The following PTPRN variants were observed in gnomAD, a reference collection of about 807,000 sequenced individuals.
PTPRN encodes protein tyrosine phosphatase receptor type N.
PTPRN carries 70 observed loss-of-function variants against 108.5 expected under a neutral mutation model. The observed-to-expected ratio is 0.65, with a 90% confidence interval of 0.53 to 0.79. The LOEUF (loss-of-function observed/expected upper bound fraction) is 0.79, where lower values mean the gene tolerates loss of function less well. Among genes scored for constraint, PTPRN ranks in the 30% least tolerant of loss-of-function variants. The pLI is 0.00. For synonymous variants in PTPRN, 496 were observed against 524.6 expected, an observed-to-expected ratio of 0.95 and a Z score of 0.75; for missense variants, 1,136 against 1,295.5, an observed-to-expected ratio of 0.88 and a Z score of 1.89.
In PTPRN at chr2:219,301,696, C is replaced by G; in HGVS notation, c.1018G>C (p.Ala340Pro). Residue 340 changes from alanine (A) to proline (P), a missense_variant, in exon 7 of 23, where the codon GCT becomes CCT. Ala to Pro is a conservative substitution (Grantham distance 27). Transcript: ENST00000295718. ...TCTACCCCATAGCCCGCCAGCACAGCGGCCAGCCTCTGCAGAGCCGCATCT... is the reference window on the plus strand; with the variant it reads ...TCTACCCCATAGCCCGCCAGCACAGGGGCCAGCCTCTGCAGAGCCGCATCT... ...QPDAALQRLA[A>P]VLAGYGVELR... is the part of the protein sequence containing the mutation. 1 of 1,611,620 alleles carries G rather than the reference C, an allele frequency of 6.2e-7. No homozygotes were observed. The highest frequency in any genetic ancestry group is 8.5e-7 in the Non-Finnish European group (1 of 1,178,142).
Position 219,299,091 on chromosome 2 carries a change from C to G in PTPRN, c.1624G>C (p.Glu542Gln). The change falls in exon 12 of 23, where the codon GAA becomes CAA. Residue 542 changes from glutamate (E) to glutamine (Q), a missense_variant. Coordinates refer to ENST00000295718, the MANE Select transcript of PTPRN (RefSeq NM_002846.4). ...QQAGLVKSEL[E>Q]AQTGLQILQT... ...AAGATTTGGAGCCCTGTCTGTGCTTCCAGTTCAGACTTCACCAGCCCTGCA... is the reference window on the plus strand; with the variant it reads ...AAGATTTGGAGCCCTGTCTGTGCTTGCAGTTCAGACTTCACCAGCCCTGCA... The G allele has an allele frequency of 6.2e-7, 1 of 1,614,262 alleles. No individual in the cohort carries two copies. Among genetic ancestry groups the G allele is most frequent in the Non-Finnish European group, 8.5e-7 (1 of 1,180,042 alleles).
chr2:219,296,086 A>G lies in PTPRN; in HGVS notation c.2508+140T>C, dbSNP rs1163004868. On this transcript the variant is annotated intron_variant, in intron 18 of 22. Coordinates refer to ENST00000295718, the MANE Select transcript of PTPRN (RefSeq NM_002846.4). The surrounding 1 kb of genome is among the most constrained non-coding windows in gnomAD (Gnocchi z 6.0). Reference sequence around the variant, plus strand: ...TATATGTGTTTATATATATTCATATATGTATGAATCATGAGCAGGGCCAAT... The same window carrying G: ...TATATGTGTTTATATATATTCATATGTGTATGAATCATGAGCAGGGCCAAT... 1.6e-5 allele frequency: 19 copies of G among 1,192,186 alleles called. No individual in the cohort carries two copies. The highest frequency in any genetic ancestry group is 1.0e-4 in the South Asian group (7 of 70,032). 73.9% of individuals were successfully genotyped at this position (1,192,186 alleles called of 1,614,324 possible).
At chr2:219,295,975 G>GACACACAC (rs58673887) in intron 18 of PTPRN, 383 of 423,222 alleles carry the variant, frequency 9.0e-4, no homozygotes, top group Non-Finnish European at 1.3e-3. Context: ...CTCTAGACAG[G>GACACACAC]ACACACACAC....
At position 219,297,179 on chromosome 2, in the gene PTPRN, C is replaced by A. The variant is rs372725355; in HGVS notation, c.2089-47G>T. ...GCTCTGGCCCACACAGCCAGCCTGG[C>A]CTCTCTCACCATCCCATTCCTTCAC... On this transcript the variant is annotated intron_variant, in intron 14 of 22. Transcript: ENST00000295718. This position sits in a 1 kb window ranked among gnomAD's most constrained non-coding sequence, Gnocchi z 6.0. 3.1e-6 allele frequency: 5 copies of A among 1,610,856 alleles called. No individual in the cohort carries two copies. Among genetic ancestry groups the A allele is most frequent in the Non-Finnish European group, 4.2e-6 (5 of 1,178,016 alleles).
rs1438394335 is a variant in PTPRN at position 219,289,822 on chromosome 2, G to A, written c.*404C>T. On this transcript the variant is annotated 3_prime_UTR_variant, in exon 23 of 23. Coordinates refer to ENST00000295718, the MANE Select transcript of PTPRN (RefSeq NM_002846.4). ...GGCAGGCCCGGGGCTGAGAAGCAGG[G>A]GGAGCCGGGTGTGGCGACCCTCCAC... is the stretch of plus-strand genomic sequence containing the variant. 5.6e-6 allele frequency: 1 copy of A among 180,118 alleles called. No homozygotes were observed. The highest frequency in any genetic ancestry group is 1.2e-5 in the Non-Finnish European group (1 of 84,868). The allele number at this position is 180,118 out of a possible 1,614,324, so 11.2% of individuals were successfully genotyped here.
At chr2:219,295,341 C>T in intron 18 of PTPRN, 200 bp from the exon 19 acceptor site, 1 of 562,790 alleles carries the variant, frequency 1.8e-6, no homozygotes, top group Non-Finnish European at 3.1e-6. Context: ...GCTTTTCCAC[C>T]CAGACACAGC....
Position 219,309,307 on chromosome 2 carries a change from C to T in PTPRN, c.26G>A (p.Gly9Asp), listed in dbSNP as rs1260840367. ...CCGGAGACCCCCGGATCCCCCGAGACCCCCAGGCCGCCGCGGGCGCCGCAT... is the reference window on the plus strand; with the variant it reads ...CCGGAGACCCCCGGATCCCCCGAGATCCCCAGGCCGCCGCGGGCGCCGCAT... MRRPRRPGGLGGSGGLRLL... is the reference protein window; with the variant it reads MRRPRRPGDLGGSGGLRLL... Residue 9 changes from glycine to aspartate, a missense_variant, in exon 1 of 23, where the codon GGT becomes GAT. Gly to Asp is a moderately conservative substitution (Grantham distance 94). Coordinates refer to ENST00000295718, the MANE Select transcript of PTPRN (RefSeq NM_002846.4). 1.3e-6 allele frequency: 2 copies of T among 1,493,582 alleles called. No individual in the cohort carries two copies. Among genetic ancestry groups the T allele is most frequent in the East Asian group, 2.7e-5 (1 of 37,396 alleles). 92.5% of individuals were successfully genotyped at this position (1,493,582 alleles called of 1,614,324 possible).
In PTPRN at chr2:219,299,640, C is replaced by A. The variant is rs1335064384; in HGVS notation, c.1523+60G>T. On this transcript the variant is annotated intron_variant, in intron 10 of 22. Coordinates refer to ENST00000295718, the MANE Select transcript of PTPRN (RefSeq NM_002846.4). ...TCCTCCCGCAGGCCCCTCCAGCCACCTCCTTGCTCAAGCTGCTTTCTAGAT... is the reference window on the plus strand; with the variant it reads ...TCCTCCCGCAGGCCCCTCCAGCCACATCCTTGCTCAAGCTGCTTTCTAGAT... 4.0e-6 allele frequency: 6 copies of A among 1,484,636 alleles called. No homozygotes were observed. In the Admixed American group the frequency reaches 1.1e-4, roughly 28 times the overall value. The allele number at this position is 1,484,636 out of a possible 1,614,324, so 92.0% of individuals were successfully genotyped here. A position where few individuals can be genotyped will look rare whatever the true frequency, so the allele number is the denominator to read the frequency against.
intron 19 of PTPRN, 127 bp downstream of exon 19, chr2:219,294,848 G>A: frequency 1.0e-6 from 1 of 996,760 alleles, no homozygotes; most frequent in Non-Finnish European, 1.4e-6. Context: ...GTGGGGTCTG[G>A]AGCGGGCGGC....
Position 219,291,539 on chromosome 2 carries a change from G to A in PTPRN, c.2676-16C>T. ...GTTCACCTTCCTGCAACAAGAAATG[G>A]GTGTGAGGGCCAGTGGGCACCAGCA... On this transcript the variant is annotated splice_polypyrimidine_tract_variant and intron_variant, in intron 19 of 22. Transcript: ENST00000295718. 1 of 1,613,474 alleles carries A rather than the reference G, an allele frequency of 6.2e-7. No homozygotes were observed. Among genetic ancestry groups the A allele is most frequent in the Admixed American group, 1.7e-5 (1 of 60,026 alleles).
At position 219,300,187 on chromosome 2, in the gene PTPRN, G is replaced by T. The variant is rs775043856; in HGVS notation, c.1234C>A (p.Pro412Thr). 5 of 1,612,194 alleles carry T rather than the reference G, an allele frequency of 3.1e-6. No homozygotes were observed. Among genetic ancestry groups the T allele is most frequent in the Non-Finnish European group, 4.2e-6 (5 of 1,178,892 alleles). Residue 412 changes from proline to threonine, a missense_variant, in exon 9 of 23, where the codon CCC (proline) becomes ACC (threonine). Transcript: ENST00000295718. Reference protein sequence around the residue: ...PARTSPMPGHPTASPTSSEVQ... With the variant: ...PARTSPMPGHTTASPTSSEVQ... Reference sequence around the variant, plus strand: ...TCACTGGAGGTAGGGCTGGCAGTGGGGTGTCCAGGCATGGGGGATGTGCGG... The same window carrying T: ...TCACTGGAGGTAGGGCTGGCAGTGGTGTGTCCAGGCATGGGGGATGTGCGG...
chr2:219,297,356 G>A lies in PTPRN; in HGVS notation c.1965C>T (p.Ser655=), dbSNP rs1381744973. 1 of 1,614,028 alleles carries A rather than the reference G, an allele frequency of 6.2e-7. No individual in the cohort carries two copies. The highest frequency in any genetic ancestry group is 1.1e-5 in the South Asian group (1 of 91,090). Residue 655 remains serine (S), a synonymous_variant, in exon 14 of 23, where the codon AGC becomes AGT. Coordinates refer to ENST00000295718, the MANE Select transcript of PTPRN (RefSeq NM_002846.4). This position sits in a 1 kb window ranked among gnomAD's most constrained non-coding sequence, Gnocchi z 6.0. ...CGTCGCTGAACTGGGAGGACACACT[G>A]CTCACCCGTGAAGGCTCCGGTGGAC... ...AEGPPEPSRV[S]SVSSQFSDAA...
At position 219,296,264 on chromosome 2, in the gene PTPRN, A is replaced by G. The variant is rs778976091; in HGVS notation, c.2470T>C (p.Trp824Arg). ...EDGVKQCDRYWPDEGASLYHV... is the reference protein window; with the variant it reads ...EDGVKQCDRYRPDEGASLYHV... ...TAGAGGGAGGCACCCTCATCTGGCC[A>G]GTAGCGGTCACACTGCTTGACACCA... The change falls in exon 18 of 23, where the codon TGG becomes CGG. Residue 824 changes from tryptophan to arginine, a missense_variant. Transcript: ENST00000295718. This position sits in a 1 kb window ranked among gnomAD's most constrained non-coding sequence, Gnocchi z 6.0. 6 of 1,614,144 alleles carry G rather than the reference A, an allele frequency of 3.7e-6. No homozygotes were observed. The highest frequency in any genetic ancestry group is 5.1e-6 in the Non-Finnish European group (6 of 1,180,032).
chr2:219,301,478 C>T, intron 7 of PTPRN, 110 bp downstream of exon 7: 1 of 1,424,672 alleles, frequency 7.0e-7, no homozygotes, highest in African/African-American at 1.4e-5. Flanking sequence ...AACTCTTTCC[C>T]CTGAAGCCTG....
intron 19 of PTPRN, 85 bp downstream of exon 19, chr2:219,294,889 AC>A: frequency 7.6e-7 from 1 of 1,308,866 alleles, no homozygotes; most frequent in Non-Finnish European, 9.9e-7. Context: ...TCCAGGCCCG[AC>A]CCGGGGCTCC....
chr2:219,307,316 T>C, intron 3 of PTPRN, 128 bp downstream of exon 3: 2 of 763,952 alleles, frequency 2.6e-6, no homozygotes, highest in Non-Finnish European at 4.2e-6. Flanking sequence ...CCTCTTACTC[T>C]AGCAAGATAT....
chr2:219,294,943 C>A (rs1239431901), intron 19 of PTPRN, 32 bp downstream of exon 19: 3 of 1,478,176 alleles, frequency 2.0e-6, no homozygotes, highest in Middle Eastern at 2.3e-4. Flanking sequence ...CCCGCCCATG[C>A]GGTCCCTCCA....
Position 219,297,483 on chromosome 2 carries a change from AC to A in PTPRN, c.1888-51del. On this transcript the variant is annotated intron_variant, in intron 13 of 22. Transcript: ENST00000295718. This position sits in a 1 kb window ranked among gnomAD's most constrained non-coding sequence, Gnocchi z 6.0. Reference sequence around the variant, plus strand: ...TCCAAGAGTCCCCTGAAACTTTTCAACAGGGCCCTGGGTTCAACTCTGGGCT... The same window carrying A: ...TCCAAGAGTCCCCTGAAACTTTTCAAAGGGCCCTGGGTTCAACTCTGGGCT... 6.3e-7 allele frequency: 1 copy of A among 1,578,466 alleles called. No individual in the cohort carries two copies. Among genetic ancestry groups the A allele is most frequent in the Middle Eastern group, 1.7e-4 (1 of 5,996 alleles).
rs749282128 is a variant in PTPRN, at chr2:219,302,444, C to T, written c.687G>A (p.Met229Ile). 1 of 1,614,152 alleles carries T rather than the reference C, an allele frequency of 6.2e-7. No homozygotes were observed. The highest frequency in any genetic ancestry group is 1.1e-5 in the South Asian group (1 of 91,086). Residue 229 changes from methionine (M) to isoleucine (I), a missense_variant, in exon 6 of 23, where the codon ATG becomes ATA. Transcript: ENST00000295718. ...GSRVSEGSPG[M>I]VSVGPLPKAE... ...CCTTGGGCAGGGGGCCGACACTGAC[C>T]ATCCCTGGGGAGCCCTCTGAGACCC...
Sources: allele counts gnomAD v4.1 joint callset, GRCh38; gene constraint gnomAD v4.1.1; non-coding constraint Gnocchi (gnomAD v3.1); transcripts MANE v1.5; gene names NCBI Gene and HGNC (gene_info 2026-07-23, HGNC 2026-07-21).